ELOVL5: variants seen among roughly 807,000 people sequenced by gnomAD.
ELOVL5 encodes the protein ELOVL fatty acid elongase 5, also known as very long chain fatty acid elongase 5.
Under a neutral mutation model 38.6 loss-of-function variants are expected in ELOVL5, and 8 were observed. The ratio of observed to expected loss-of-function variants is 0.21; its 90% CI spans 0.12 to 0.37. The LOEUF is 0.37. ELOVL5 is among the 10% of genes least tolerant of loss of function. The probability of loss-of-function intolerance (pLI) is 1.00; values close to 1 mark genes in which losing one functional copy is unlikely to be tolerated. For missense variants in ELOVL5, 280 were observed against 367.8 expected (o/e 0.76, Z 1.95); for synonymous variants, 127 against 133.7 (o/e 0.95, Z 0.34).
intron 3 of ELOVL5, among the ~76,000 whole-genome samples, chr6:53,285,725 C>T (rs566648359): frequency 3.9e-5 from 6 of 152,212 alleles, no homozygotes; most frequent in Non-Finnish European, 8.8e-5. Context: ...CCTCCCACCT[C>T]GGCCTCCCAA....
chr6:53,323,449 C>G (rs908565118), intron 1 of ELOVL5, among the ~76,000 whole-genome samples: 3 of 152,052 alleles, frequency 2.0e-5, no homozygotes, highest in African/African-American at 7.3e-5. Flanking sequence ...GGTAAGGAGG[C>G]CTGCCTAGAC....
chr6:53,322,675 G>A (rs776344424), intron 1 of ELOVL5, among the ~76,000 whole-genome samples: 2 of 152,106 alleles, frequency 1.3e-5, no homozygotes, highest in Non-Finnish European at 2.9e-5. Flanking sequence ...ATCCTCACGA[G>A]GACAACCAGC....
intron 6 of ELOVL5, 131 bp from the exon 7 acceptor site, chr6:53,270,858 G>C (rs746664795): frequency 3.1e-6 from 3 of 957,756 alleles, no homozygotes; most frequent in African/African-American, 3.3e-5. Flanking sequence ...AGGTACAGCA[G>C]TCACTTCATG....
At chr6:53,282,359 C>T (rs1482574485) in intron 3 of ELOVL5, among the ~76,000 whole-genome samples, 4 of 152,244 alleles carry the variant, frequency 2.6e-5, no homozygotes, top group Non-Finnish European at 5.9e-5. Flanking sequence ...GCCAAGCTCT[C>T]CAGGTGTTGC....
At chr6:53,341,311 A>G (rs1315510551) in intron 1 of ELOVL5, among the ~76,000 whole-genome samples, 1 of 152,192 alleles carries the variant, frequency 6.6e-6, no homozygotes, top group Non-Finnish European at 1.5e-5. Flanking sequence ...TCAGCCTCCC[A>G]GAATGTAACG....
intron 1 of ELOVL5, among the ~76,000 whole-genome samples, chr6:53,347,697 A>G (rs2127597067): frequency 6.6e-6 from 1 of 152,294 alleles, no homozygotes. Context: ...TAAACCATGC[A>G]CTGGATTCTT....
At chr6:53,347,491 G>A (rs1015057721) in intron 1 of ELOVL5, among the ~76,000 whole-genome samples, 5 of 152,188 alleles carry the variant, frequency 3.3e-5, no homozygotes, top group Non-Finnish European at 2.9e-5. Flanking sequence ...AGACGTGCAA[G>A]CAAAACAAGT....
intron 1 of ELOVL5, among the ~76,000 whole-genome samples, chr6:53,340,758 CACA>C (rs1156586246): frequency 6.6e-6 from 1 of 152,102 alleles, no homozygotes; most frequent in Non-Finnish European, 1.5e-5. Flanking sequence ...ATGATGAACA[CACA>C]ACAACAAAAT....
intron 5 of ELOVL5, among the ~76,000 whole-genome samples, chr6:53,274,159 A>G (rs991791586): frequency 1.3e-5 from 2 of 152,194 alleles, no homozygotes; most frequent in African/African-American, 4.8e-5. Context: ...TGAAAATTTA[A>G]AGCACTCTTC....
intron 1 of ELOVL5, among the ~76,000 whole-genome samples, chr6:53,338,854 T>A (rs144928885): frequency 1.3e-5 from 2 of 152,240 alleles, no homozygotes; most frequent in East Asian, 3.8e-4. Context: ...AATTGAGTTC[T>A]CCAACCTAAT....
At chr6:53,278,533 C>T (rs772651164) in intron 3 of ELOVL5, among the ~76,000 whole-genome samples, 2 of 152,196 alleles carry the variant, frequency 1.3e-5, no homozygotes, top group Non-Finnish European at 2.9e-5. Context: ...GCCCTCTCCC[C>T]ACCCATAAAT....
rs756666228 is a variant in ELOVL5 at position 53,287,906 on chromosome 6, A to G, written c.246+3870T>C. 3 of 1,535,598 alleles carry G rather than the reference A, an allele frequency of 2.0e-6. No homozygotes were observed. The African/African-American group carries it at 4.1e-5, about 21-fold the overall frequency. On this transcript the variant is annotated intron_variant, in intron 3 of 7. Coordinates refer to ENST00000304434, the MANE Select transcript of ELOVL5 (RefSeq NM_021814.5). ...TGCTGAGTCGAAGGATCAGTTCGTG[A>G]GGCACAGGCAGATCGACGGGGTTGC...
chr6:53,314,924 C>T (rs1484474706), intron 1 of ELOVL5, among the ~76,000 whole-genome samples: 1 of 152,164 alleles, frequency 6.6e-6, no homozygotes, highest in Non-Finnish European at 1.5e-5. Flanking sequence ...AATGTAACTA[C>T]AGAAGCAGTG....
chr6:53,271,953 T>C (rs1346926116), intron 6 of ELOVL5, among the ~76,000 whole-genome samples: 1 of 152,244 alleles, frequency 6.6e-6, no homozygotes, highest in African/African-American at 2.4e-5. Flanking sequence ...TATAAATCAA[T>C]TTCTGCATCA....
intron 1 of ELOVL5, among the ~76,000 whole-genome samples, chr6:53,335,172 T>C (rs1048027619): frequency 6.6e-6 from 1 of 152,194 alleles, no homozygotes; most frequent in Non-Finnish European, 1.5e-5. Context: ...ACCAGATTAG[T>C]ACACTCTCTC....
intron 3 of ELOVL5, among the ~76,000 whole-genome samples, chr6:53,288,308 C>A (rs1399797959): frequency 1.3e-5 from 2 of 152,138 alleles, no homozygotes; most frequent in African/African-American, 4.8e-5. Flanking sequence ...AAAAGGCGCA[C>A]AAGATTTTTA....
chr6:53,284,791 C>CA (rs199704286), intron 3 of ELOVL5, among the ~76,000 whole-genome samples: 1 of 127,694 alleles, frequency 7.8e-6, no homozygotes, highest in South Asian at 2.5e-4. Context: ...CAAAATATTT[C>CA]AAATTTTTTC....
chr6:53,315,743 A>T (rs1172303230), intron 1 of ELOVL5, among the ~76,000 whole-genome samples: 15 of 152,242 alleles, frequency 9.9e-5, no homozygotes, highest in Admixed American at 9.8e-4. Context: ...TGACATTTAC[A>T]GGGTCGCCCA....
chr6:53,323,415 T>G (rs955354046), intron 1 of ELOVL5, among the ~76,000 whole-genome samples: 1 of 152,146 alleles, frequency 6.6e-6, no homozygotes, highest in African/African-American at 2.4e-5. Context: ...AGGAACAGGA[T>G]AAACGTGGTC....
Sources: allele counts gnomAD v4.1 joint callset (sites outside exome capture counted in the v4.1 genomes callset), GRCh38; gene constraint gnomAD v4.1.1; transcripts MANE v1.5; gene names NCBI Gene and HGNC (gene_info 2026-07-23, HGNC 2026-07-21).